Variants in OLFM3 observed in about 807,000 individuals in gnomAD.
OLFM3 encodes the protein olfactomedin 3, also known as noelin-3.
Under a neutral mutation model 48.6 loss-of-function variants are expected in OLFM3, and 20 were observed. That is an observed-to-expected ratio of 0.41 (90% CI 0.29 to 0.60). OLFM3 has a LOEUF of 0.60. Among genes scored for constraint, OLFM3 ranks in the 20% least tolerant of loss-of-function variants. The pLI is 0.28. For synonymous variants in OLFM3, 222 were observed against 198.1 expected (o/e 1.12, Z -1.01); for missense variants, 437 against 544.3 (o/e 0.80, Z 1.96).
chr1:101,992,421 T>C (rs1661437995), intron 1 of OLFM3, among the ~76,000 whole-genome samples: 1 of 151,998 alleles, frequency 6.6e-6, no homozygotes, highest in Admixed American at 6.5e-5. Flanking sequence ...ACAGGCTGCC[T>C]TGAACTCTTC....
rs779170931 is a variant in OLFM3 at position 101,992,720 on chromosome 1, TAA to T, written c.69+4026_69+4027del. Among the ~76,000 whole-genome samples, 26 of 152,106 alleles carry T rather than the reference TAA, an allele frequency of 1.7e-4. 1 individual carries two copies. The highest frequency in any genetic ancestry group is 3.4e-4 in the Non-Finnish European group (23 of 67,984). The stretch of plus-strand genomic sequence containing the variant: ...GTATGAAAGCTACACTTAGGCAGTT[TAA>T]GTCTGATTATTTTCTTTAGCAATAT... On this transcript the variant is annotated intron_variant, in intron 1 of 5. Coordinates refer to ENST00000370103, the MANE Select transcript of OLFM3 (RefSeq NM_058170.4).
In OLFM3 at chr1:101,911,740, C is replaced by G. The variant is rs1344047662; in HGVS notation, c.70-74715G>C. Among the ~76,000 whole-genome samples, 18 of 152,118 alleles carry G rather than the reference C, an allele frequency of 1.2e-4. 1 individual carries two copies. Among genetic ancestry groups the G allele is most frequent in the Admixed American group, 1.2e-3 (18 of 15,284 alleles). On this transcript the variant is annotated intron_variant, in intron 1 of 5. Coordinates refer to ENST00000370103, the MANE Select transcript of OLFM3 (RefSeq NM_058170.4). ...AGAGAGGAGGAAATCCAGGCTAAAC[C>G]AGACTAAGAAGCTACCACCAAACCA...
At chr1:101,923,547 T>G (rs1659165319) in intron 1 of OLFM3, among the ~76,000 whole-genome samples, 2 of 152,164 alleles carry the variant, frequency 1.3e-5, no homozygotes, top group South Asian at 2.1e-4. Context: ...TGTTTAAAGT[T>G]TAATGTAATT....
At chr1:101,939,088 TAA>T (rs560497956) in intron 1 of OLFM3, among the ~76,000 whole-genome samples, 2 of 152,094 alleles carry the variant, frequency 1.3e-5, no homozygotes, top group African/African-American at 2.4e-5. Flanking sequence ...AAAAAATCCA[TAA>T]AAAACATTCA....
chr1:101,980,700 A>C (rs2101108443), intron 1 of OLFM3, among the ~76,000 whole-genome samples: 1 of 152,280 alleles, frequency 6.6e-6, no homozygotes, highest in Admixed American at 6.5e-5. Context: ...CCTAGGGTAA[A>C]TATGGCCCAG....
At chr1:101,835,762 A>G (rs1462447394) in intron 2 of OLFM3, among the ~76,000 whole-genome samples, 1 of 152,216 alleles carries the variant, frequency 6.6e-6, no homozygotes, top group Non-Finnish European at 1.5e-5. Flanking sequence ...GAAAGGGCCA[A>G]TAGGTGATGA....
intron 1 of OLFM3, among the ~76,000 whole-genome samples, chr1:101,844,161 G>A (rs115046344): frequency 6.6e-6 from 1 of 152,310 alleles, no homozygotes; most frequent in Non-Finnish European, 1.5e-5. Context: ...CTAAGCAAAA[G>A]AACCTCTTTC....
intron 1 of OLFM3, among the ~76,000 whole-genome samples, chr1:101,917,400 A>T (rs1262477022): frequency 6.6e-6 from 1 of 151,506 alleles, no homozygotes; most frequent in Non-Finnish European, 1.5e-5. Flanking sequence ...TAAAAATAAA[A>T]GCCATAAATA....
intron 1 of OLFM3, among the ~76,000 whole-genome samples, chr1:101,862,698 T>C (rs1656703663): frequency 6.6e-6 from 1 of 152,200 alleles, no homozygotes; most frequent in Non-Finnish European, 1.5e-5. Context: ...AGAAATGTGA[T>C]TCAATAAACA....
At chr1:101,972,945 A>C (rs1250318933) in intron 1 of OLFM3, among the ~76,000 whole-genome samples, 2 of 152,198 alleles carry the variant, frequency 1.3e-5, no homozygotes, top group Non-Finnish European at 2.9e-5. Context: ...CGGCAATGGC[A>C]AAAATAAAAT....
intron 1 of OLFM3, among the ~76,000 whole-genome samples, chr1:101,914,084 A>C (rs371658729): frequency 6.6e-6 from 1 of 152,192 alleles, no homozygotes; most frequent in African/African-American, 2.4e-5. Flanking sequence ...TTTTCTAAGC[A>C]TATCCTTCCC....
At chr1:101,808,306 A>G (rs1485313896) in intron 4 of OLFM3, among the ~76,000 whole-genome samples, 1 of 151,894 alleles carries the variant, frequency 6.6e-6, no homozygotes, top group Non-Finnish European at 1.5e-5. Flanking sequence ...TACAAGAGCC[A>G]TTAGTGAAGA....
intron 1 of OLFM3, among the ~76,000 whole-genome samples, chr1:101,864,817 T>G (rs936692458): frequency 6.6e-6 from 1 of 152,146 alleles, no homozygotes; most frequent in Admixed American, 6.5e-5. Context: ...TCAATACCAG[T>G]GCCAATATGT....
At chr1:101,835,564 C>T (rs572961295) in intron 2 of OLFM3, among the ~76,000 whole-genome samples, 1 of 152,362 alleles carries the variant, frequency 6.6e-6, no homozygotes, top group African/African-American at 2.4e-5. Context: ...ATCCACCTGC[C>T]TTGGCCTCCC....
At chr1:101,982,962 C>A (rs1359840234) in intron 1 of OLFM3, among the ~76,000 whole-genome samples, 1 of 152,016 alleles carries the variant, frequency 6.6e-6, no homozygotes, top group Non-Finnish European at 1.5e-5. Context: ...CTCAGGAGAA[C>A]CTCGAATAGT....
At chr1:101,904,832 C>G (rs1658501880) in intron 1 of OLFM3, among the ~76,000 whole-genome samples, 1 of 152,098 alleles carries the variant, frequency 6.6e-6, no homozygotes, top group African/African-American at 2.4e-5. Flanking sequence ...TCTCCTCCCA[C>G]CTGTTTACCT....
At chr1:101,943,874 A>G (rs971083256) in intron 1 of OLFM3, among the ~76,000 whole-genome samples, 2 of 127,166 alleles carry the variant, frequency 1.6e-5, no homozygotes, top group Non-Finnish European at 3.4e-5. Flanking sequence ...TTAAATTCAT[A>G]AAACTCTAGA....
chr1:101,814,919 G>A (rs1654255609), intron 4 of OLFM3, among the ~76,000 whole-genome samples: 1 of 152,156 alleles, frequency 6.6e-6, no homozygotes, highest in Non-Finnish European at 1.5e-5. Flanking sequence ...ATTAAGAGGA[G>A]CAAATAAACA....
intron 1 of OLFM3, among the ~76,000 whole-genome samples, chr1:101,934,649 A>C (rs1182618615): frequency 2.0e-5 from 3 of 152,102 alleles, no homozygotes; most frequent in Admixed American, 6.6e-5. Flanking sequence ...ACTCTACCTA[A>C]AAACAACAAA....
Sources: gnomAD v4.1 joint callset for allele counts (sites outside exome capture counted in the v4.1 genomes callset) on GRCh38, gnomAD v4.1.1 for gene constraint, MANE v1.5 for transcripts, NCBI Gene and HGNC (gene_info 2026-07-23, HGNC 2026-07-21) for gene names.